Variants in SRGAP3 observed in about 807,000 individuals in gnomAD.
SRGAP3 encodes SLIT-ROBO Rho GTPase activating protein 3.
A neutral mutation model predicts 121.1 loss-of-function variants in SRGAP3; 39 were observed. That is an observed-to-expected ratio of 0.32 (90% confidence interval 0.25 to 0.42). SRGAP3 has a LOEUF of 0.42. Among genes scored for constraint, SRGAP3 ranks in the 10% least tolerant of loss-of-function variants. SRGAP3 has a pLI of 1.00. For synonymous variants in SRGAP3, 601 were observed against 570.0 expected, an observed-to-expected ratio of 1.05 and a Z score of -0.77; for missense variants, 1,213 against 1,470.6, an observed-to-expected ratio of 0.82 and a Z score of 2.86.
chr3:9,065,983 G>C (rs373151213), intron 4 of SRGAP3, among the ~76,000 whole-genome samples: 5 of 152,078 alleles, frequency 3.3e-5, no homozygotes, highest in East Asian at 1.9e-4. Flanking sequence ...TTCATAAATA[G>C]AGACGGGGTT....
intron 1 of SRGAP3, among the ~76,000 whole-genome samples, chr3:9,164,790 G>T (rs558660754): frequency 6.6e-6 from 1 of 152,140 alleles, no homozygotes; most frequent in African/African-American, 2.4e-5. Context: ...TACTACTGTC[G>T]GCGTCTACAG....
At chr3:9,358,812 AG>A (rs1441198252) in intron 1 of SRGAP3, among the ~76,000 whole-genome samples, 1 of 152,186 alleles carries the variant, frequency 6.6e-6, no homozygotes, top group Non-Finnish European at 1.5e-5. Context: ...GATATTACAA[AG>A]GATACAGATG....
At chr3:9,144,842 C>T (rs577217359) in intron 1 of SRGAP3, among the ~76,000 whole-genome samples, 15 of 152,254 alleles carry the variant, frequency 9.9e-5, no homozygotes, top group African/African-American at 2.9e-4. Flanking sequence ...GGTATACTCA[C>T]GTTTGGGGAA....
intron 1 of SRGAP3, among the ~76,000 whole-genome samples, chr3:9,141,593 TG>T (rs1241510840): frequency 1.8e-4 from 26 of 144,122 alleles, no homozygotes; most frequent in Middle Eastern, 3.5e-3. Context: ...TGTGTGTGTG[TG>T]TGTGTGTGTT....
rs1307461687 is a variant in SRGAP3 at position 9,080,414 on chromosome 3, C to T, written c.424-327G>A. On this transcript the variant is annotated intron_variant, in intron 3 of 21. Transcript: ENST00000383836. ...CCCACAGAATTTTTCTTTAATTCTACGTGTACTAAGCTGGTATGACCAGGG... is the reference window on the plus strand; with the variant it reads ...CCCACAGAATTTTTCTTTAATTCTATGTGTACTAAGCTGGTATGACCAGGG... Among the ~76,000 whole-genome samples, 7 of 152,324 alleles carry T rather than the reference C, an allele frequency of 4.6e-5. No individual in the cohort carries two copies. The South Asian group carries it at 6.2e-4, about 14-fold the overall frequency.
At chr3:9,050,845 G>C (rs1945532809) in intron 9 of SRGAP3, among the ~76,000 whole-genome samples, 3 of 152,154 alleles carry the variant, frequency 2.0e-5, no homozygotes, top group Non-Finnish European at 4.4e-5. Context: ...GCTCCGCTTT[G>C]TTTTCTTCCT....
intron 3 of SRGAP3, among the ~76,000 whole-genome samples, chr3:9,089,725 G>A (rs1575058652): frequency 1.3e-5 from 2 of 152,310 alleles, no homozygotes; most frequent in South Asian, 2.1e-4. Flanking sequence ...AACAGAAGAT[G>A]AGATGTTGGT....
At chr3:9,082,470 T>G (rs547019141) in intron 3 of SRGAP3, among the ~76,000 whole-genome samples, 4 of 152,232 alleles carry the variant, frequency 2.6e-5, no homozygotes, top group Non-Finnish European at 5.9e-5. Context: ...AATCTGTCAG[T>G]GTCTTGCTCT....
At chr3:9,272,824 T>A (rs1381706549) in intron 3 of SRGAP3, among the ~76,000 whole-genome samples, 1 of 151,954 alleles carries the variant, frequency 6.6e-6, no homozygotes, top group Non-Finnish European at 1.5e-5. Flanking sequence ...TTTAGGAACT[T>A]AAGTACTTTT....
Position 8,985,390 on chromosome 3 carries a change from GAC to G in SRGAP3, c.*127_*128del. 1 of 1,488,536 alleles carries G rather than the reference GAC, an allele frequency of 6.7e-7. No individual in the cohort carries two copies. Among genetic ancestry groups the G allele is most frequent in the Non-Finnish European group, 8.9e-7 (1 of 1,124,448 alleles). The allele number at this position is 1,488,536 out of a possible 1,614,324, so 92.2% of individuals were successfully genotyped here. On this transcript the variant is annotated 3_prime_UTR_variant, in exon 22 of 22. Coordinates refer to ENST00000383836, the MANE Select transcript of SRGAP3 (RefSeq NM_014850.4). This position sits in a 1 kb window ranked among gnomAD's most constrained non-coding sequence, Gnocchi z 5.1. The stretch of plus-strand genomic sequence containing the variant: ...AGCGCCCGGGCCTCAGCTCTGCACA[GAC>G]ACACCCTCCCAGACGGACCTCTGCC...
intron 1 of SRGAP3, among the ~76,000 whole-genome samples, chr3:9,211,143 G>C (rs1344224415): frequency 6.6e-6 from 1 of 152,120 alleles, no homozygotes; most frequent in Non-Finnish European, 1.5e-5. Context: ...GTTGAGGGGG[G>C]AGAAGTGGGC....
At chr3:9,303,350 G>A (rs900434986) in intron 3 of SRGAP3, among the ~76,000 whole-genome samples, 1 of 151,758 alleles carries the variant, frequency 6.6e-6, no homozygotes, top group Non-Finnish European at 1.5e-5. Context: ...GCTTGAACCC[G>A]GGAGGTGGAG....
At chr3:9,297,156 A>C (rs570384687) in intron 3 of SRGAP3, among the ~76,000 whole-genome samples, 2 of 152,240 alleles carry the variant, frequency 1.3e-5, no homozygotes, top group African/African-American at 2.4e-5. Context: ...CCTTCCAAAA[A>C]GATCATTATG....
At chr3:9,047,684 T>A (rs1945359015) in intron 9 of SRGAP3, among the ~76,000 whole-genome samples, 2 of 152,204 alleles carry the variant, frequency 1.3e-5, no homozygotes, top group South Asian at 4.1e-4. Flanking sequence ...GGCCAGGCCC[T>A]TGGAGGGCTC....
chr3:9,287,072 G>A (rs1954790515), intron 3 of SRGAP3, among the ~76,000 whole-genome samples: 1 of 135,738 alleles, frequency 7.4e-6, no homozygotes, highest in South Asian at 2.4e-4. Context: ...GCTCACTGCA[G>A]CCTCGACCTC....
chr3:9,299,404 T>C (rs970651831), intron 3 of SRGAP3, among the ~76,000 whole-genome samples: 1 of 147,892 alleles, frequency 6.8e-6, no homozygotes, highest in Non-Finnish European at 1.5e-5. Context: ...AACTTCAAGA[T>C]AGTAGACATC....
chr3:9,280,428 T>C lies in SRGAP3; in HGVS notation n.442+45582A>G, dbSNP rs551865431. On this transcript the variant is annotated intron_variant and non_coding_transcript_variant, in intron 3 of 3. Transcript: ENST00000490889. Reference sequence around the variant, plus strand: ...CCCTTCCCATCTCTTTGCAAACTTCTGTCCCAGCCTTCAGAGCTGGGGGGC... The same window carrying C: ...CCCTTCCCATCTCTTTGCAAACTTCCGTCCCAGCCTTCAGAGCTGGGGGGC... 1.3e-4 allele frequency among the ~76,000 whole-genome samples: 20 copies of C among 152,364 alleles called. No individual in the cohort carries two copies. In the South Asian group the frequency reaches 4.1e-3, roughly 32 times the overall value.
chr3:9,097,163 A>G (rs1043029689), intron 3 of SRGAP3, among the ~76,000 whole-genome samples: 2 of 150,792 alleles, frequency 1.3e-5, no homozygotes, highest in Admixed American at 1.3e-4. Flanking sequence ...GCTAATTTTT[A>G]ATTTTTCTGT....
intron 14 of SRGAP3, among the ~76,000 whole-genome samples, chr3:9,022,492 G>A (rs1395517677): frequency 6.6e-6 from 1 of 152,242 alleles, no homozygotes; most frequent in Non-Finnish European, 1.5e-5. Context: ...CGTCGCCAGG[G>A]AAACACAGAG....
Sources: gnomAD v4.1 joint callset for allele counts (sites outside exome capture counted in the v4.1 genomes callset) on GRCh38, gnomAD v4.1.1 for gene constraint, Gnocchi (gnomAD v3.1) non-coding constraint, MANE v1.5 for transcripts, NCBI Gene and HGNC (gene_info 2026-07-23, HGNC 2026-07-21) for gene names.